Variants in GDNF observed in about 807,000 individuals in gnomAD.
GDNF encodes glial cell derived neurotrophic factor.
GDNF carries 5 observed loss-of-function variants against 13.7 expected under a neutral mutation model. The ratio of observed to expected loss-of-function variants is 0.36; its 90% CI spans 0.19 to 0.77. The LOEUF is 0.77. GDNF is among the 30% of genes least tolerant of loss of function. The pLI is 0.51. For synonymous variants in GDNF, 122 were observed against 112.5 expected (o/e 1.08, Z -0.53); for missense variants, 246 against 274.3 (o/e 0.90, Z 0.73).
rs113984179 is a variant in GDNF, at chr5:37,819,735, G to A, written c.152-3600C>T. ...CCCAAAATGCTGGGATTACAGGAGT[G>A]AGCCACTGTGCCTGGCCAAGAGTGC... is the stretch of plus-strand genomic sequence containing the variant. On this transcript the variant is annotated intron_variant, in intron 2 of 2. Transcript: ENST00000326524. Among the ~76,000 whole-genome samples the A allele has an allele frequency of 2.9e-3, 447 of 152,264 alleles. 2 individuals are homozygous for A. Among genetic ancestry groups the A allele is most frequent in the African/African-American group, 0.01 (434 of 41,554 alleles).
chr5:37,815,525 C>T lies in GDNF; in HGVS notation c.*126G>A. On this transcript the variant is annotated 3_prime_UTR_variant, in exon 3 of 3. Coordinates refer to ENST00000326524, the MANE Select transcript of GDNF (RefSeq NM_000514.4). The surrounding 1 kb of genome is among the most constrained non-coding windows in gnomAD (Gnocchi z 5.0). ...TCCTCCTCCTCCTCCTCCTCCTCTT[C>T]TTCTTCCTCCTCCTCCGCCTCCTTG... The T allele has an allele frequency of 3.4e-6, 3 of 871,736 alleles. No individual in the cohort carries two copies. The highest frequency in any genetic ancestry group is 1.4e-5 in the South Asian group (1 of 69,346). The allele number at this position is 871,736 out of a possible 1,614,324, so 54.0% of individuals were successfully genotyped here. A position where few individuals can be genotyped will look rare whatever the true frequency, so the allele number is the denominator to read the frequency against.
chr5:37,827,873 A>C (rs953539159), intron 2 of GDNF, among the ~76,000 whole-genome samples: 1 of 152,254 alleles, frequency 6.6e-6, no homozygotes, highest in African/African-American at 2.4e-5. Context: ...ATCTGGTGTA[A>C]CTATTTAAAC....
In GDNF at chr5:37,815,222, T is replaced by C. The variant is rs1441865294; in HGVS notation, c.*429A>G. The stretch of plus-strand genomic sequence containing the variant: ...ACAAGGAACAACACCAGGATCTCTG[T>C]TTCCCTGGTGTCTTCGGACACATGA... On this transcript the variant is annotated 3_prime_UTR_variant, in exon 3 of 3. Transcript: ENST00000326524. This position sits in a 1 kb window ranked among gnomAD's most constrained non-coding sequence, Gnocchi z 5.0. The C allele has an allele frequency of 1.4e-5, 3 of 213,356 alleles. No individual in the cohort carries two copies. Among genetic ancestry groups the C allele is most frequent in the Non-Finnish European group, 2.8e-5 (3 of 105,816 alleles). The allele number at this position is 213,356 out of a possible 1,614,324, so 13.2% of individuals were successfully genotyped here. A position where few individuals can be genotyped will look rare whatever the true frequency, so the allele number is the denominator to read the frequency against.
At chr5:37,827,763 T>A (rs543535027) in intron 2 of GDNF, among the ~76,000 whole-genome samples, 21 of 152,232 alleles carry the variant, frequency 1.4e-4, no homozygotes, top group Non-Finnish European at 2.2e-4. Flanking sequence ...ATTAGTTTGA[T>A]CATTTTCCAT....
At position 37,837,307 on chromosome 5, in the gene GDNF, G is replaced by T. The variant is rs889214054; in HGVS notation, c.-27+2200C>A. On this transcript the variant is annotated intron_variant, in intron 1 of 2. Coordinates refer to ENST00000326524, the MANE Select transcript of GDNF (RefSeq NM_000514.4). The surrounding 1 kb of genome is among the most constrained non-coding windows in gnomAD (Gnocchi z 6.5). ...CAAACTGCTTTACGCGCCGCCACGT[G>T]CGAGAACCAAGCTCTGCTCCTCAAG... 2.6e-5 allele frequency among the ~76,000 whole-genome samples: 4 copies of T among 152,344 alleles called. No homozygotes were observed. In the South Asian group the frequency reaches 8.3e-4, roughly 32 times the overall value.
At chr5:37,822,259 C>G (rs186923819) in intron 2 of GDNF, among the ~76,000 whole-genome samples, 2 of 152,316 alleles carry the variant, frequency 1.3e-5, no homozygotes, top group East Asian at 1.9e-4. Context: ...GGCTTGAGAT[C>G]TGCATGAGCC....
At chr5:37,834,983 C>T in intron 1 of GDNF, 161 bp from the exon 2 acceptor site, 1 of 639,796 alleles carries the variant, frequency 1.6e-6, no homozygotes, top group South Asian at 2.0e-5. Flanking sequence ...CTTGCAAGTC[C>T]CCAGTTCGCT....
chr5:37,829,063 A>G (rs906692876), intron 2 of GDNF, among the ~76,000 whole-genome samples: 4 of 152,262 alleles, frequency 2.6e-5, no homozygotes, highest in Non-Finnish European at 4.4e-5. Flanking sequence ...TATCAAAAAC[A>G]GAGCAAACAC....
intron 2 of GDNF, among the ~76,000 whole-genome samples, chr5:37,820,879 C>A (rs978632377): frequency 6.6e-6 from 1 of 152,170 alleles, no homozygotes; most frequent in Non-Finnish European, 1.5e-5. Context: ...ACCCCAAGTT[C>A]AGGCCATAGG....
At position 37,816,092 on chromosome 5, in the gene GDNF, C is replaced by T; in HGVS notation, c.195G>A (p.Met65Ile). 6.2e-7 allele frequency: 1 copy of T among 1,613,404 alleles called. No homozygotes were observed. The highest frequency in any genetic ancestry group is 8.5e-7 in the Non-Finnish European group (1 of 1,179,364). The change falls in exon 3 of 3, where the codon ATG becomes ATA. Residue 65 changes from methionine to isoleucine, a missense_variant. Physicochemically the swap from Met to Ile is conservative, Grantham distance 10. Transcript: ENST00000326524. ...EDYPDQFDDV[M>I]DFIQATIKRL... Reference sequence around the variant, plus strand: ...TTTTAATGGTGGCTTGAATAAAATCCATGACATCATCGAACTGATCAGGAT... The same window carrying T: ...TTTTAATGGTGGCTTGAATAAAATCTATGACATCATCGAACTGATCAGGAT...
At chr5:37,831,556 C>G (rs968171638) in intron 2 of GDNF, among the ~76,000 whole-genome samples, 1 of 152,108 alleles carries the variant, frequency 6.6e-6, no homozygotes, top group Non-Finnish European at 1.5e-5. Context: ...AGTTCAAGAC[C>G]TTCCTCCCAT....
chr5:37,822,307 AG>A (rs910415118), intron 2 of GDNF, among the ~76,000 whole-genome samples: 1 of 152,210 alleles, frequency 6.6e-6, no homozygotes, highest in Non-Finnish European at 1.5e-5. Flanking sequence ...GAGAAGGCTC[AG>A]GGGTTTCTTG....
intron 2 of GDNF, among the ~76,000 whole-genome samples, chr5:37,818,200 G>C (rs1451490423): frequency 6.6e-6 from 1 of 152,226 alleles, no homozygotes; most frequent in Non-Finnish European, 1.5e-5. Flanking sequence ...CCATCCAGGA[G>C]AGGCCTGATA....
Position 37,839,380 on chromosome 5 carries a change from T to C in GDNF, c.-27+127A>G, listed in dbSNP as rs1750818311. ...TAGGTTCCCTCTAGTCTTTCCACTT[T>C]CTACTCTCACCGTTTGCTCTGGGGT... On this transcript the variant is annotated intron_variant, in intron 1 of 2. Coordinates refer to ENST00000326524, the MANE Select transcript of GDNF (RefSeq NM_000514.4). This position sits in a 1 kb window ranked among gnomAD's most constrained non-coding sequence, Gnocchi z 5.5. 6.6e-6 allele frequency: 1 copy of C among 152,304 alleles called. No homozygotes were observed. Among genetic ancestry groups the C allele is most frequent in the Non-Finnish European group, 1.5e-5 (1 of 68,128 alleles). The allele number at this position is 152,304 out of a possible 1,614,324, so 9.4% of individuals were successfully genotyped here. A position where few individuals can be genotyped will look rare whatever the true frequency, so the allele number is the denominator to read the frequency against.
chr5:37,819,700 G>A (rs1189950724), intron 2 of GDNF, among the ~76,000 whole-genome samples: 4 of 151,976 alleles, frequency 2.6e-5, no homozygotes, highest in South Asian at 2.1e-4. Context: ...TGATCCGTCC[G>A]CCTCAGCCTC....
chr5:37,821,561 T>G (rs1236038810), intron 2 of GDNF, among the ~76,000 whole-genome samples: 1 of 152,244 alleles, frequency 6.6e-6, no homozygotes, highest in Non-Finnish European at 1.5e-5. Flanking sequence ...CAAATGCATT[T>G]AAGCTATCCT....
rs1480071029 is a variant in GDNF at position 37,834,906 on chromosome 5, C to T, written c.-26-84G>A. On this transcript the variant is annotated intron_variant, in intron 1 of 2. Coordinates refer to ENST00000326524, the MANE Select transcript of GDNF (RefSeq NM_000514.4). ...TCCCTGCGGGTCCCTGCGCCCCTCT[C>T]CAACCTCGTCACCGCCCTCCTCCGG... The T allele has an allele frequency of 7.2e-6, 9 of 1,258,650 alleles. No homozygotes were observed. The Admixed American group carries it at 7.6e-5, about 11-fold the overall frequency. 78.0% of individuals were successfully genotyped at this position (1,258,650 alleles called of 1,614,324 possible).
chr5:37,839,325 G>C lies in GDNF; in HGVS notation c.-27+182C>G, dbSNP rs1750816636. On this transcript the variant is annotated intron_variant, in intron 1 of 2. Transcript: ENST00000326524. The surrounding 1 kb of genome is among the most constrained non-coding windows in gnomAD (Gnocchi z 5.5). ...CCCTCCGAAAGGCCGGCCTCTCTCC[G>C]GTTCTACTTTTCTCTCTCCTCGCAT... Among the ~76,000 whole-genome samples the C allele has an allele frequency of 1.3e-5, 2 of 152,244 alleles. No individual in the cohort carries two copies. Among genetic ancestry groups the C allele is most frequent in the East Asian group, 1.9e-4 (1 of 5,170 alleles).
At chr5:37,834,366 G>C (rs181149864) in intron 2 of GDNF, among the ~76,000 whole-genome samples, 171 of 152,336 alleles carry the variant, frequency 1.1e-3, no homozygotes, top group African/African-American at 3.9e-3. Context: ...TGGTGGTGCT[G>C]GTGGGGAGGA....
Sources: gnomAD v4.1 joint callset for allele counts (sites outside exome capture counted in the v4.1 genomes callset) on GRCh38, gnomAD v4.1.1 for gene constraint, Gnocchi (gnomAD v3.1) non-coding constraint, MANE v1.5 for transcripts, NCBI Gene and HGNC (gene_info 2026-07-23, HGNC 2026-07-21) for gene names.